MAGI3: variants seen among roughly 807,000 people sequenced by gnomAD.
MAGI3 encodes the protein membrane associated guanylate kinase, WW and PDZ domain containing 3, also known as membrane-associated guanylate kinase, WW and PDZ domain-containing protein 3.
In MAGI3, 43 loss-of-function variants were observed where a neutral mutation model predicts 121.8. The ratio of observed to expected loss-of-function variants is 0.35; its 90% confidence interval spans 0.28 to 0.46. MAGI3 has a LOEUF of 0.46. Ranked by LOEUF, MAGI3 falls within the 20% of genes least tolerant of loss-of-function variation. The pLI, the probability that MAGI3 is intolerant of heterozygous loss-of-function variation, is 1.00. For missense variants in MAGI3, 1,547 were observed against 1,797.3 expected (o/e 0.86, Z 2.52); for synonymous variants, 553 against 639.3 (o/e 0.86, Z 2.04).
intron 15 of MAGI3, 27 bp downstream of exon 15, chr1:113,654,045 C>G (rs1317173546): frequency 6.4e-7 from 1 of 1,561,140 alleles, no homozygotes; most frequent in Admixed American, 1.9e-5. Context: ...CTTATTGTCT[C>G]TCCCTGCAAG....
Position 113,390,852 on chromosome 1 carries a change from G to A in MAGI3, c.-182G>A, listed in dbSNP as rs1435005432. The A allele has an allele frequency of 1.4e-5, 4 of 291,078 alleles. No individual in the cohort carries two copies. The highest frequency in any genetic ancestry group is 2.5e-5 in the Non-Finnish European group (4 of 162,512). 18.0% of individuals were successfully genotyped at this position (291,078 alleles called of 1,614,324 possible). On this transcript the variant is annotated 5_prime_UTR_variant, in exon 1 of 21. Coordinates refer to ENST00000307546, the MANE Select transcript of MAGI3 (RefSeq NM_001142782.2). ...CGCAGCCGGGAGGGGCGTCCAAGGG[G>A]CGTCTCGCGTCTGGGAACGGCCGGG... is the stretch of plus-strand genomic sequence containing the variant.
At chr1:113,666,652 T>C (rs1398701912) in intron 16 of MAGI3, among the ~76,000 whole-genome samples, 2 of 152,240 alleles carry the variant, frequency 1.3e-5, no homozygotes, top group African/African-American at 4.8e-5. Flanking sequence ...CCCGTTAATG[T>C]TGATATTTTT....
intron 19 of MAGI3, among the ~76,000 whole-genome samples, chr1:113,679,709 A>AT (rs34782120): frequency 0.026 from 3,781 of 144,508 alleles, 171 homozygotes; most frequent in African/African-American, 0.083. Flanking sequence ...CTGAAAAATG[A>AT]TTTTTTTTTT....
intron 6 of MAGI3, among the ~76,000 whole-genome samples, chr1:113,607,070 G>C (rs1038286350): frequency 4.0e-5 from 6 of 151,656 alleles, no homozygotes; most frequent in Non-Finnish European, 5.9e-5. Context: ...ATTATTCTTG[G>C]TCTTTCTTCC....
chr1:113,625,476 CTTT>C (rs1260068573), intron 9 of MAGI3, among the ~76,000 whole-genome samples: 5 of 152,052 alleles, frequency 3.3e-5, no homozygotes, highest in African/African-American at 1.2e-4. Flanking sequence ...AATAGGATTA[CTTT>C]TTTATTTCTT....
chr1:113,624,215 A>G (rs1651075935), intron 9 of MAGI3, among the ~76,000 whole-genome samples: 1 of 152,210 alleles, frequency 6.6e-6, no homozygotes, highest in Non-Finnish European at 1.5e-5. Flanking sequence ...TCTTGTGGGT[A>G]TATACTCAGC....
intron 19 of MAGI3, among the ~76,000 whole-genome samples, chr1:113,675,092 A>C (rs7511816): frequency 0.53 from 81,030 of 151,806 alleles, 23,636 homozygotes; most frequent in African/African-American, 0.79. Flanking sequence ...CGCAGGCATA[A>C]AGGTCCTAGG....
At chr1:113,452,302 G>A (rs1032094673) in intron 1 of MAGI3, among the ~76,000 whole-genome samples, 3 of 152,056 alleles carry the variant, frequency 2.0e-5, no homozygotes, top group Non-Finnish European at 2.9e-5. Flanking sequence ...GTTTTGATCC[G>A]AAAGCTGCTT....
chr1:113,539,342 A>G (rs1165797847), intron 1 of MAGI3, among the ~76,000 whole-genome samples: 2 of 151,736 alleles, frequency 1.3e-5, no homozygotes, highest in East Asian at 3.9e-4. Context: ...GCAGTGAGCC[A>G]AGATCACGCC....
chr1:113,397,107 C>T (rs1442327560), intron 1 of MAGI3, among the ~76,000 whole-genome samples: 1 of 152,054 alleles, frequency 6.6e-6, no homozygotes, highest in Non-Finnish European at 1.5e-5. Flanking sequence ...AGTCCAAATG[C>T]CACTTTTCCA....
In MAGI3 at chr1:113,549,601, A is replaced by C. The variant is rs763892614; in HGVS notation, c.403A>C (p.Arg135=). The stretch of plus-strand genomic sequence containing the variant: ...TGACCACAAACTGCAGCAAGTGATC[A>C]GAGATAATCTCTACTTGAGAACCAT... ...SIDHKLQQVI[R]DNLYLRTIPC... is the part of the protein sequence containing the mutation. The change falls in exon 2 of 21, where the codon AGA becomes CGA. Residue 135 remains arginine, a synonymous_variant. Transcript: ENST00000307546. The C allele has an allele frequency of 1.9e-6, 3 of 1,604,432 alleles. No individual in the cohort carries two copies. In the African/African-American group the frequency reaches 4.0e-5, roughly 21 times the overall value.
rs1553203839 is a variant in MAGI3 at position 113,590,673 on chromosome 1, C to CT, written c.938+16dup. On this transcript the variant is annotated intron_variant, in intron 5 of 20. Transcript: ENST00000307546. ...TACTTCATTGAGTAAGCAAATGTCT[C>CT]TATCTCTTCTAATGTGCCCTAACAT... The CT allele has an allele frequency of 1.2e-6, 2 of 1,609,878 alleles. No homozygotes were observed. Among genetic ancestry groups the CT allele is most frequent in the Non-Finnish European group, 1.7e-6 (2 of 1,178,242 alleles).
intron 1 of MAGI3, among the ~76,000 whole-genome samples, chr1:113,484,282 A>G (rs1421296464): frequency 6.6e-6 from 1 of 152,132 alleles, no homozygotes; most frequent in East Asian, 1.9e-4. Context: ...TTTTGGGGGA[A>G]TAGGTGGTGT....
intron 5 of MAGI3, among the ~76,000 whole-genome samples, chr1:113,592,881 G>A (rs375641518): frequency 1.3e-5 from 2 of 151,854 alleles, no homozygotes; most frequent in Admixed American, 6.6e-5. Context: ...GCACGGTGGC[G>A]GGCGCCTGTA....
At chr1:113,624,192 T>C (rs1258238347) in intron 9 of MAGI3, among the ~76,000 whole-genome samples, 1 of 152,222 alleles carries the variant, frequency 6.6e-6, no homozygotes, top group African/African-American at 2.4e-5. Context: ...CTCTTCAATA[T>C]ACTGATTTCC....
At chr1:113,554,096 A>G (rs138306264) in intron 2 of MAGI3, among the ~76,000 whole-genome samples, 1 of 152,350 alleles carries the variant, frequency 6.6e-6, no homozygotes, top group East Asian at 1.9e-4. Flanking sequence ...ATAAAAAATT[A>G]CTAGACCTGC....
At chr1:113,565,665 T>C (rs1281179074) in intron 2 of MAGI3, among the ~76,000 whole-genome samples, 1 of 152,230 alleles carries the variant, frequency 6.6e-6, no homozygotes, top group African/African-American at 2.4e-5. Flanking sequence ...AGGACTTACT[T>C]AGCCTCCAAA....
intron 1 of MAGI3, among the ~76,000 whole-genome samples, chr1:113,511,620 G>A (rs1310295531): frequency 3.3e-5 from 5 of 152,194 alleles, no homozygotes; most frequent in African/African-American, 4.8e-5. Context: ...AAGCTAACTT[G>A]ATTGGCTAAG....
intron 2 of MAGI3, among the ~76,000 whole-genome samples, chr1:113,571,437 T>C (rs2101703827): frequency 6.6e-6 from 1 of 152,350 alleles, no homozygotes; most frequent in Non-Finnish European, 1.5e-5. Context: ...AGAAAGTTAA[T>C]GGTAGCTTGA....
Sources: allele counts gnomAD v4.1 joint callset (sites outside exome capture counted in the v4.1 genomes callset), GRCh38; gene constraint gnomAD v4.1.1; transcripts MANE v1.5; gene names NCBI Gene and HGNC (gene_info 2026-07-23, HGNC 2026-07-21).